HELZ2: variants seen among roughly 807,000 people sequenced by gnomAD.
HELZ2 encodes helicase with zinc finger 2.
Under a neutral mutation model 208.8 loss-of-function variants are expected in HELZ2, and 143 were observed. That is an observed-to-expected ratio of 0.68 (90% CI 0.60 to 0.79). The LOEUF (loss-of-function observed/expected upper bound fraction) is 0.79, where lower values mean the gene tolerates loss of function less well. Among genes scored for constraint, HELZ2 ranks in the 30% least tolerant of loss-of-function variants. The pLI, the probability that HELZ2 is intolerant of heterozygous loss-of-function variation, is 0.00. For synonymous variants in HELZ2, 1,705 were observed against 1,693.7 expected, an observed-to-expected ratio of 1.01 and a Z score of -0.16; for missense variants, 3,690 against 3,794.5, an observed-to-expected ratio of 0.97 and a Z score of 0.72.
rs769116917 is a variant in HELZ2 at position 63,570,505 on chromosome 20, TCA to T, written c.567_568del (p.Glu190GlyfsTer34). On this transcript the variant is annotated frameshift_variant and splice_region_variant, in exon 3 of 19. Coordinates refer to ENST00000467148, the Ensembl canonical transcript of HELZ2. LOFTEE classifies it high-confidence loss of function. ...CAGTCGGAGCTGTTCTCCGCTCACC[TCA>T]GAGTGGACGGCAAACGTCCAGCTGT... 6.2e-7 allele frequency: 1 copy of T among 1,612,586 alleles called. No individual in the cohort carries two copies. Among genetic ancestry groups the T allele is most frequent in the Non-Finnish European group, 8.5e-7 (1 of 1,179,424 alleles).
intron 2 of HELZ2, 25 bp downstream of exon 3, chr20:63,570,660 C>T: frequency 6.3e-7 from 1 of 1,579,494 alleles, no homozygotes; most frequent in South Asian, 1.1e-5. Flanking sequence ...CCACCCCACC[C>T]CACCCACTCC....
chr20:63,563,706 G>A, exon 8 of HELZ2: 2 of 1,588,214 alleles, frequency 1.3e-6, no homozygotes, highest in Non-Finnish European at 1.7e-6. Context: ...GCCTGGCAGA[G>A]CCCATCGATG....
rs767144691 is a variant in HELZ2 at position 63,560,592 on chromosome 20, C to T, written c.7387G>A (p.Glu2463Lys). ...TGGCCAAAGATGACAGGGCAGCTCT[C>T]CTTGCCAGCGTGGCCCAGGACACTG... is the stretch of plus-strand genomic sequence containing the variant. Residue 2463 changes from glutamate to lysine, a missense_variant, in exon 16 of 19, where the codon GAG (glutamate) becomes AAG (lysine). This residue lies in a region of HELZ2 where 2,564 missense variants were observed against 2,580.5 expected (regional missense o/e 0.99). Coordinates refer to ENST00000467148, the Ensembl canonical transcript of HELZ2. The T allele has an allele frequency of 3.7e-6, 6 of 1,612,242 alleles. No individual in the cohort carries two copies. The South Asian group carries it at 4.4e-5, about 12-fold the overall frequency.
exon 8 of HELZ2, chr20:63,565,744 T>C (rs1569033976): frequency 1.9e-6 from 3 of 1,603,038 alleles, no homozygotes; most frequent in Non-Finnish European, 2.5e-6. Flanking sequence ...CTGCGTCTCC[T>C]GCTGGTGCTG....
At position 63,562,067 on chromosome 20, in the gene HELZ2, C is replaced by A. The variant is rs758313943; in HGVS notation, c.6529+5G>T. ...AGCCTGCGGCTCCCCCGGCATGGGC[C>A]CTACCTGGTGGGCCCTGAATGACCG... On this transcript the variant is annotated splice_donor_5th_base_variant and intron_variant, in intron 10 of 18. Coordinates refer to ENST00000467148, the Ensembl canonical transcript of HELZ2. 6.2e-7 allele frequency: 1 copy of A among 1,601,480 alleles called. No homozygotes were observed. The highest frequency in any genetic ancestry group is 8.5e-7 in the Non-Finnish European group (1 of 1,174,324).
exon 8 of HELZ2, chr20:63,565,061 C>G: frequency 1.3e-6 from 2 of 1,561,608 alleles, no homozygotes; most frequent in Non-Finnish European, 8.7e-7. Context: ...GGCGGTGAGC[C>G]TCTCAAGCCC....
exon 17 of HELZ2, chr20:63,560,268 G>A (rs1265712819): frequency 1.9e-6 from 3 of 1,563,834 alleles, no homozygotes; most frequent in Non-Finnish European, 1.7e-6. Context: ...AGGGCGTGAG[G>A]ACGGCGATGT....
chr20:63,567,202 C>T, exon 6 of HELZ2: 4 of 1,607,788 alleles, frequency 2.5e-6, no homozygotes, highest in East Asian at 2.2e-5. Flanking sequence ...CAGGAAGAGG[C>T]GGTGCAGCAG....
exon 11 of HELZ2, chr20:63,561,982 T>A (rs1273961032): frequency 1.9e-6 from 3 of 1,593,760 alleles, no homozygotes; most frequent in Non-Finnish European, 2.6e-6. Flanking sequence ...GTCTTCCCTG[T>A]ACCTGCAGCC....
At position 63,563,294 on chromosome 20, in the gene HELZ2, G is replaced by A. The variant is rs754551162; in HGVS notation, c.5528C>T (p.Ala1843Val). 4 of 1,549,580 alleles carry A rather than the reference G, an allele frequency of 2.6e-6. No individual in the cohort carries two copies. Among genetic ancestry groups the A allele is most frequent in the African/African-American group, 2.7e-5 (2 of 73,576 alleles). The change falls in exon 8 of 19, where the codon GCG becomes GTG. Residue 1843 changes from alanine to valine, a missense_variant. Ala to Val is a moderately conservative substitution (Grantham distance 64). Transcript: ENST00000467148. ...GCCCTTCTCCTGGATGAGAGCAGCC[G>A]CCTCCGGCCAGCGCTGCAGCTCCAC...
At chr20:63,559,062 C>T (rs1281191086), downstream of HELZ2, 1 of 635,390 alleles carries the variant, frequency 1.6e-6, no homozygotes, top group Non-Finnish European at 2.6e-6. Context: ...CCAGGAGGAG[C>T]AAGAGTGTGG....
At position 63,560,117 on chromosome 20, in the gene HELZ2, C is replaced by G. The variant is rs368613814; in HGVS notation, c.7658-22G>C. 37 of 1,567,214 alleles carry G rather than the reference C, an allele frequency of 2.4e-5. No individual in the cohort carries two copies. In the African/African-American group the frequency reaches 4.5e-4, roughly 19 times the overall value. ...CTCCCTGCGGGATGGGAGGTGAGGC[C>G]CTGCTGCCGCTGCGCCCACCCTCCC... is the stretch of plus-strand genomic sequence containing the variant. On this transcript the variant is annotated intron_variant, in intron 17 of 18. Transcript: ENST00000467148.
At chr20:63,561,513 G>A (rs773945198) in intron 12 of HELZ2, 47 bp from the exon 14 acceptor site, 1 of 1,578,834 alleles carries the variant, frequency 6.3e-7, no homozygotes, top group Non-Finnish European at 8.6e-7. Context: ...GGCCATCACG[G>A]GGGCAGAGCT....
At chr20:63,573,103 C>T (rs977470076), upstream of HELZ2, 1 of 152,350 alleles carries the variant, frequency 6.6e-6, no homozygotes, top group Non-Finnish European at 1.5e-5. The surrounding 1 kb of genome is among the most constrained non-coding windows in gnomAD (Gnocchi z 4.9). Context: ...TGTTGGGCAG[C>T]AGGGTGGACC....
exon 6 of HELZ2, chr20:63,567,158 G>C: frequency 6.2e-7 from 1 of 1,609,958 alleles, no homozygotes; most frequent in Non-Finnish European, 8.5e-7. Context: ...AGGCGGCTCT[G>C]CCGCGCCACC....
upstream of HELZ2, chr20:63,573,255 GA>G (rs2083031361): frequency 6.6e-6 from 1 of 152,318 alleles, no homozygotes; most frequent in African/African-American, 2.4e-5. This position sits in a 1 kb window ranked among gnomAD's most constrained non-coding sequence, Gnocchi z 4.9. Flanking sequence ...ACTGAGGCCA[GA>G]GGACATCTGG....
chr20:63,564,922 G>A (rs139695416), exon 8 of HELZ2: 93 of 1,611,496 alleles, frequency 5.8e-5, no homozygotes, highest in Non-Finnish European at 7.3e-5. Flanking sequence ...ACTCCAGGCC[G>A]AGGATGCGGA....
exon 8 of HELZ2, chr20:63,563,247 G>T: frequency 6.4e-7 from 1 of 1,552,270 alleles, no homozygotes; most frequent in Non-Finnish European, 8.7e-7. Flanking sequence ...ACCTGCACCA[G>T]CTCCCGCCGC....
At chr20:63,560,309 G>T in exon 17 of HELZ2, 1 of 1,554,796 alleles carries the variant, frequency 6.4e-7, no homozygotes. Flanking sequence ...CCCAGGGTCA[G>T]CTGCTTGGTG....
Sources: allele counts gnomAD v4.1 joint callset, GRCh38; gene constraint gnomAD v4.1.1; regional missense constraint gnomAD v4.1.1; non-coding constraint Gnocchi (gnomAD v3.1); transcripts MANE v1.5; gene names NCBI Gene and HGNC (gene_info 2026-07-23, HGNC 2026-07-21).